Variants in TMEM19 observed in about 807,000 individuals in gnomAD.
The protein encoded by TMEM19 is transmembrane protein 19.
In TMEM19, 21 loss-of-function variants were observed where a neutral mutation model predicts 33.6. That is an observed-to-expected ratio of 0.62 (90% CI 0.44 to 0.90). The LOEUF (loss-of-function observed/expected upper bound fraction) is 0.90. TMEM19 is among the 40% of genes least tolerant of loss of function. The pLI is 0.00. For missense variants in TMEM19, 402 were observed against 401.8 expected, an observed-to-expected ratio of 1.00 and a Z score of 0.00; for synonymous variants, 149 against 147.5, an observed-to-expected ratio of 1.01 and a Z score of -0.07.
intron 4 of TMEM19, among the ~76,000 whole-genome samples, chr12:71,698,171 C>G (rs924478461): frequency 1.3e-5 from 2 of 152,130 alleles, no homozygotes; most frequent in African/African-American, 4.8e-5. Flanking sequence ...TCCTCTGATG[C>G]TTCTCTTCCT....
At position 71,703,103 on chromosome 12, in the gene TMEM19, G is replaced by T. The variant is rs907593424; in HGVS notation, c.*2108G>T. 6.9e-6 allele frequency: 1 copy of T among 145,718 alleles called. No homozygotes were observed. The highest frequency in any genetic ancestry group is 7.1e-5 in the Admixed American group (1 of 14,176). The allele number at this position is 145,718 out of a possible 1,614,324, so 9.0% of individuals were successfully genotyped here. On this transcript the variant is annotated 3_prime_UTR_variant, in exon 6 of 6. Coordinates refer to ENST00000266673, the MANE Select transcript of TMEM19 (RefSeq NM_018279.4). ...GAGGCAGGAGAATCGCTGGAACCTG[G>T]GATGTGGAGGTTGCAGTGAGCCAAG... is the stretch of plus-strand genomic sequence containing the variant.
At chr12:71,688,612 G>A (rs991762660) in intron 1 of TMEM19, among the ~76,000 whole-genome samples, 4 of 152,118 alleles carry the variant, frequency 2.6e-5, no homozygotes, top group South Asian at 2.1e-4. Context: ...TTGCCTTGGC[G>A]TTTAGGAGCC....
intron 4 of TMEM19, 83 bp downstream of exon 4, chr12:71,697,617 C>T (rs767743124): frequency 1.4e-6 from 2 of 1,480,334 alleles, no homozygotes; most frequent in Non-Finnish European, 8.9e-7. Context: ...ACCAAAAAAC[C>T]TCTTGATGTA....
rs1458796868 is a variant in TMEM19 at position 71,689,629 on chromosome 12, T to G, written c.169T>G (p.Ser57Ala). 2.5e-6 allele frequency: 4 copies of G among 1,614,190 alleles called. No individual in the cohort carries two copies. The highest frequency in any genetic ancestry group is 2.5e-6 in the Non-Finnish European group (3 of 1,180,036). ...TATTTCTCCGTGGCGTTGGCTGTTTTCTGTTGTTGTTCCTGTTCTGATCGT... is the reference window on the plus strand; with the variant it reads ...TATTTCTCCGTGGCGTTGGCTGTTTGCTGTTGTTGTTCCTGTTCTGATCGT... ...RPISPWRWLF[S>A]VVVPVLIVSN... The change falls in exon 2 of 6, where the codon TCT becomes GCT. Residue 57 changes from serine to alanine, a missense_variant. Ser to Ala is a moderately conservative substitution (Grantham distance 99). Transcript: ENST00000266673.
Position 71,692,706 on chromosome 12 carries a change from TAAAGG to T in TMEM19, c.244+3006_244+3010del, listed in dbSNP as rs1274466272. ...ACATGCCACTTGATCTGCTTGAGCA[TAAAGG>T]AAATCTGCTAGATTATAAACTCCTT... On this transcript the variant is annotated intron_variant, in intron 2 of 5. Transcript: ENST00000266673. Among the ~76,000 whole-genome samples, 3 of 152,258 alleles carry T rather than the reference TAAAGG, an allele frequency of 2.0e-5. No individual in the cohort carries two copies. In the East Asian group the frequency reaches 5.8e-4, roughly 29 times the overall value.
rs149457289 is a variant in TMEM19, at chr12:71,690,874, T to C, written c.244+1170T>C. ...TCATTTGACTAGAAAATAGTAACGA[T>C]AGGAAAAGAAGTGAGAGATAAAATT... On this transcript the variant is annotated intron_variant, in intron 2 of 5. Transcript: ENST00000266673. 2.6e-5 allele frequency among the ~76,000 whole-genome samples: 4 copies of C among 152,308 alleles called. 1 individual carries two copies. The highest frequency in any genetic ancestry group is 4.4e-5 in the Non-Finnish European group (3 of 68,022).
rs768378170 is a variant in TMEM19 at position 71,686,699 on chromosome 12, A to G, written c.19A>G (p.Asn7Asp). Residue 7 changes from asparagine (N) to aspartate (D), a missense_variant, in exon 1 of 6, where the codon AAT (asparagine) becomes GAT (aspartate). Coordinates refer to ENST00000266673, the MANE Select transcript of TMEM19 (RefSeq NM_018279.4). Reference protein sequence around the residue: MTDLNDNICKRYIKMIT... With the variant: MTDLNDDICKRYIKMIT... ...ATTTTCCATGACAGATCTTAACGAC[A>G]ATATATGCAAAAGATATATAAAGAT... 5 of 1,611,014 alleles carry G rather than the reference A, an allele frequency of 3.1e-6. No homozygotes were observed. Among genetic ancestry groups the G allele is most frequent in the South Asian group, 1.1e-5 (1 of 90,328 alleles).
At chr12:71,697,573 G>A in intron 4 of TMEM19, 39 bp downstream of exon 4, 1 of 1,538,992 alleles carries the variant, frequency 6.5e-7, no homozygotes, top group South Asian at 1.3e-5. Flanking sequence ...GGTAGACACA[G>A]TTGGTGAGTC....
At chr12:71,687,764 G>C (rs1043895065) in intron 1 of TMEM19, among the ~76,000 whole-genome samples, 2 of 152,116 alleles carry the variant, frequency 1.3e-5, no homozygotes, top group Non-Finnish European at 2.9e-5. Flanking sequence ...AGTTTTAAAG[G>C]TGCTTTAGAG....
At chr12:71,696,898 C>T (rs374583315) in intron 3 of TMEM19, among the ~76,000 whole-genome samples, 5 of 152,144 alleles carry the variant, frequency 3.3e-5, no homozygotes, top group African/African-American at 9.7e-5. Context: ...CCGCCTGCCT[C>T]GGCCTCCCAA....
intron 2 of TMEM19, among the ~76,000 whole-genome samples, chr12:71,695,131 C>A (rs2137596051): frequency 1.3e-5 from 2 of 152,282 alleles, no homozygotes; most frequent in South Asian, 4.1e-4. Flanking sequence ...CAGGAGATAG[C>A]AGTTACTAAT....
rs772439140 is a variant in TMEM19, at chr12:71,698,870, CG to C, written c.638-28del. 4 of 1,603,900 alleles carry C rather than the reference CG, an allele frequency of 2.5e-6. No individual in the cohort carries two copies. In the South Asian group the frequency reaches 4.4e-5, roughly 18 times the overall value. On this transcript the variant is annotated intron_variant, in intron 4 of 5. Coordinates refer to ENST00000266673, the MANE Select transcript of TMEM19 (RefSeq NM_018279.4). The stretch of plus-strand genomic sequence containing the variant: ...CTTTATGTGTTTGCTGATTATTAAC[CG>C]GATGATTTTCTGCATGTTTCTTCTT...
At chr12:71,697,258 C>G in intron 3 of TMEM19, 22 bp from the exon 4 acceptor site, 1 of 1,570,434 alleles carries the variant, frequency 6.4e-7, no homozygotes, top group Non-Finnish European at 8.6e-7. Context: ...TTTGTTTGTC[C>G]TTTTCATCTG....
In TMEM19 at chr12:71,698,803, TTTAAA is replaced by T. The variant is rs373974534; in HGVS notation, c.638-93_638-89del. ...AGATTGCATTAAAGAGAATGCTTTC[TTTAAA>T]TTAGTCTTGATTAGATAGGTACCTT... On this transcript the variant is annotated intron_variant, in intron 4 of 5. Coordinates refer to ENST00000266673, the MANE Select transcript of TMEM19 (RefSeq NM_018279.4). The T allele has an allele frequency of 1.3e-3, 1,400 of 1,082,378 alleles. 9 individuals carry two copies. In the African/African-American group the frequency reaches 0.019, roughly 14 times the overall value. The allele number at this position is 1,082,378 out of a possible 1,614,324, so 67.0% of individuals were successfully genotyped here. A position where few individuals can be genotyped will look rare whatever the true frequency, so the allele number is the denominator to read the frequency against.
chr12:71,693,585 C>T (rs1395732378), intron 2 of TMEM19, among the ~76,000 whole-genome samples: 4 of 152,130 alleles, frequency 2.6e-5, no homozygotes, highest in Non-Finnish European at 4.4e-5. Flanking sequence ...TAGCACAGTA[C>T]TTGGCATACA....
chr12:71,694,970 T>C (rs1179722531), intron 2 of TMEM19, among the ~76,000 whole-genome samples: 1 of 152,212 alleles, frequency 6.6e-6, no homozygotes, highest in Non-Finnish European at 1.5e-5. Context: ...ATGCTATCTG[T>C]TAGGTACAGA....
In TMEM19 at chr12:71,699,067, T is replaced by G. The variant is rs762614686; in HGVS notation, c.805T>G (p.Ser269Ala). The G allele has an allele frequency of 1.2e-6, 2 of 1,614,186 alleles. No individual in the cohort carries two copies. Among genetic ancestry groups the G allele is most frequent in the Non-Finnish European group, 1.7e-6 (2 of 1,180,040 alleles). Residue 269 changes from serine to alanine, a missense_variant, in exon 5 of 6, where the codon TCA becomes GCA. Transcript: ENST00000266673. ...AFGGLAGLLG[S>A]IVDSYLGATM... is the part of the protein sequence containing the mutation. ...TGGTGGTTTAGCTGGATTACTAGGATCAATTGTGGACTCATACTTAGGGGC... is the reference window on the plus strand; with the variant it reads ...TGGTGGTTTAGCTGGATTACTAGGAGCAATTGTGGACTCATACTTAGGGGC...
intron 2 of TMEM19, among the ~76,000 whole-genome samples, chr12:71,694,688 G>T (rs926447739): frequency 1.3e-5 from 2 of 152,154 alleles, no homozygotes; most frequent in Non-Finnish European, 2.9e-5. Context: ...CAAATCAAAG[G>T]TTCCCCTCCC....
chr12:71,695,830 G>A (rs1881861279), intron 2 of TMEM19, among the ~76,000 whole-genome samples: 1 of 152,252 alleles, frequency 6.6e-6, no homozygotes, highest in Non-Finnish European at 1.5e-5. Flanking sequence ...TTGAACTCTA[G>A]ACTGTTCAAC....
Sources: gnomAD v4.1 joint callset for allele counts (sites outside exome capture counted in the v4.1 genomes callset) on GRCh38, gnomAD v4.1.1 for gene constraint, MANE v1.5 for transcripts, NCBI Gene and HGNC (gene_info 2026-07-23, HGNC 2026-07-21) for gene names.